TRDN: variants seen among roughly 807,000 people sequenced by gnomAD.
The protein encoded by TRDN is triadin in skeletal muscle.
In TRDN, 161 loss-of-function variants were observed where a neutral mutation model predicts 149.7. The observed-to-expected ratio is 1.08, with a 90% confidence interval of 0.95 to 1.23. The LOEUF (loss-of-function observed/expected upper bound fraction) is 1.23. TRDN is among the 50% of genes most tolerant of loss of function. The pLI, the probability that TRDN is intolerant of heterozygous loss-of-function variation, is 0.00. For missense variants in TRDN, 896 were observed against 823.5 expected (o/e 1.09, Z -1.08); for synonymous variants, 294 against 250.5 (o/e 1.17, Z -1.64).
At chr6:123,363,660 C>T (rs1780982117) in intron 20 of TRDN, among the ~76,000 whole-genome samples, 1 of 152,168 alleles carries the variant, frequency 6.6e-6, no homozygotes, top group Non-Finnish European at 1.5e-5. Flanking sequence ...TAACCCCAAC[C>T]AAAATGTTTG....
At chr6:123,526,229 G>A (rs17085430) in intron 5 of TRDN, among the ~76,000 whole-genome samples, 31,043 of 151,844 alleles carry the variant, frequency 0.2, 3,970 homozygotes, top group East Asian at 0.63. Context: ...TTAGAATTAG[G>A]TAAGCCCACA....
At chr6:123,553,471 ACT>A (rs1781496977) in intron 2 of TRDN, among the ~76,000 whole-genome samples, 1 of 151,904 alleles carries the variant, frequency 6.6e-6, no homozygotes, top group African/African-American at 2.4e-5. Context: ...TCTGCCCATG[ACT>A]CTGCCTGCAC....
At chr6:123,582,259 G>C (rs920622396) in intron 1 of TRDN, among the ~76,000 whole-genome samples, 2 of 152,142 alleles carry the variant, frequency 1.3e-5, no homozygotes, top group African/African-American at 4.8e-5. Flanking sequence ...AAAAAGTTAA[G>C]TAAGAGTTAG....
At chr6:123,225,632 A>T (rs185954755) in intron 38 of TRDN, among the ~76,000 whole-genome samples, 5 of 151,844 alleles carry the variant, frequency 3.3e-5, no homozygotes, top group Admixed American at 6.6e-5. Flanking sequence ...ATGTATATGT[A>T]TATCAAAATA....
intron 32 of TRDN, among the ~76,000 whole-genome samples, chr6:123,266,190 A>T (rs868218793): frequency 1.2e-5 from 1 of 83,700 alleles, no homozygotes; most frequent in South Asian, 3.7e-4. Flanking sequence ...TATATATTAT[A>T]ATATGTATTA....
chr6:123,426,120 C>T (rs1175019970), intron 12 of TRDN, among the ~76,000 whole-genome samples: 2 of 152,046 alleles, frequency 1.3e-5, no homozygotes, highest in African/African-American at 2.4e-5. Context: ...ATTGCATTGT[C>T]TTCTGCCAAG....
chr6:123,428,547 C>T (rs1337533703), intron 12 of TRDN, among the ~76,000 whole-genome samples: 1 of 152,172 alleles, frequency 6.6e-6, no homozygotes, highest in Non-Finnish European at 1.5e-5. Context: ...GTTGGATAAA[C>T]TAATAAATTC....
At chr6:123,227,448 A>G (rs990527377) in intron 38 of TRDN, among the ~76,000 whole-genome samples, 1 of 151,848 alleles carries the variant, frequency 6.6e-6, no homozygotes, top group African/African-American at 2.4e-5. Flanking sequence ...GAAAAGTTCA[A>G]TTCTCTATGG....
intron 6 of TRDN, among the ~76,000 whole-genome samples, chr6:123,514,333 T>C (rs1249530100): frequency 6.6e-6 from 1 of 152,040 alleles, no homozygotes; most frequent in Non-Finnish European, 1.5e-5. Context: ...TCAGTCTGGG[T>C]GGCAGAGTGA....
chr6:123,561,367 G>T (rs1436236591), intron 2 of TRDN, among the ~76,000 whole-genome samples: 2 of 152,144 alleles, frequency 1.3e-5, no homozygotes, highest in Admixed American at 1.3e-4. Flanking sequence ...AAAAGGACTG[G>T]ACAATACTTT....
chr6:123,490,826 C>T (rs1778181769), intron 9 of TRDN, among the ~76,000 whole-genome samples: 1 of 152,140 alleles, frequency 6.6e-6, no homozygotes, highest in African/African-American at 2.4e-5. Flanking sequence ...AAAACCTGCC[C>T]AGGCACAGTG....
intron 12 of TRDN, among the ~76,000 whole-genome samples, chr6:123,403,471 T>C (rs1773067210): frequency 6.6e-6 from 1 of 152,128 alleles, no homozygotes; most frequent in South Asian, 2.1e-4. Flanking sequence ...TTTTTTCCTG[T>C]TTTGTTTGAG....
In TRDN at chr6:123,232,229, A is replaced by G. The variant is rs1288461390; in HGVS notation, c.1976-8098T>C. ...GACTGAAAAAAAAAAATCCTATATTATGAAAGCCAAGAGAGGAAAACATTT... is the reference window on the plus strand; with the variant it reads ...GACTGAAAAAAAAAAATCCTATATTGTGAAAGCCAAGAGAGGAAAACATTT... On this transcript the variant is annotated intron_variant, in intron 38 of 40. Transcript: ENST00000334268. Among the ~76,000 whole-genome samples the G allele has an allele frequency of 2.0e-5, 3 of 151,962 alleles. No individual in the cohort carries two copies. The East Asian group carries it at 5.8e-4, about 30-fold the overall frequency.
At position 123,231,180 on chromosome 6, in the gene TRDN, C is replaced by G. The variant is rs574309803; in HGVS notation, c.1976-7049G>C. 5.9e-5 allele frequency among the ~76,000 whole-genome samples: 9 copies of G among 151,750 alleles called. 1 individual carries two copies. In the South Asian group the frequency reaches 1.7e-3, roughly 28 times the overall value. Reference sequence around the variant, plus strand: ...ACTTTGCTCTGTGCCCTGGAGGAACCAAAAGGAAATAGGATGCTACTTAGA... The same window carrying G: ...ACTTTGCTCTGTGCCCTGGAGGAACGAAAAGGAAATAGGATGCTACTTAGA... On this transcript the variant is annotated intron_variant, in intron 38 of 40. Coordinates refer to ENST00000334268, the MANE Select transcript of TRDN (RefSeq NM_006073.4).
At chr6:123,411,642 C>T (rs1386914411) in intron 12 of TRDN, 1 of 152,240 alleles carries the variant, frequency 6.6e-6, no homozygotes, top group East Asian at 1.9e-4. Context: ...AGCAAAGATA[C>T]CCAATACTTA....
intron 9 of TRDN, among the ~76,000 whole-genome samples, chr6:123,472,244 C>G (rs1042607969): frequency 6.6e-6 from 1 of 152,196 alleles, no homozygotes; most frequent in Non-Finnish European, 1.5e-5. Flanking sequence ...CAAGCCAAAG[C>G]AGGGGGAGGC....
intron 1 of TRDN, among the ~76,000 whole-genome samples, chr6:123,618,137 C>T (rs1177548277): frequency 1.3e-5 from 2 of 152,146 alleles, no homozygotes; most frequent in Admixed American, 1.3e-4. Flanking sequence ...ATCAGATACA[C>T]ACTGGTATAT....
intron 12 of TRDN, among the ~76,000 whole-genome samples, chr6:123,437,747 G>A (rs1045245420): frequency 5.9e-5 from 9 of 152,116 alleles, no homozygotes; most frequent in East Asian, 1.9e-4. Context: ...GAAAGTTTAC[G>A]TTTTGAGGGG....
At chr6:123,526,192 T>C (rs1779939707) in intron 5 of TRDN, among the ~76,000 whole-genome samples, 1 of 152,048 alleles carries the variant, frequency 6.6e-6, no homozygotes, top group Non-Finnish European at 1.5e-5. Flanking sequence ...TGCATCTTTA[T>C]ATGGTGTCTA....
Sources: gnomAD v4.1 joint callset for allele counts (sites outside exome capture counted in the v4.1 genomes callset) on GRCh38, gnomAD v4.1.1 for gene constraint, MANE v1.5 for transcripts, NCBI Gene and HGNC (gene_info 2026-07-23, HGNC 2026-07-21) for gene names.